The following ZZZ3 variants were observed in gnomAD, a reference collection of about 807,000 sequenced individuals.
ZZZ3 encodes ZZ-type zinc finger-containing protein 3.
In ZZZ3, 22 loss-of-function variants were observed where a neutral mutation model predicts 95.2. That is an observed-to-expected ratio of 0.23 (90% CI 0.17 to 0.33). The LOEUF (loss-of-function observed/expected upper bound fraction) is 0.33. ZZZ3 is among the 10% of genes least tolerant of loss of function. The probability of loss-of-function intolerance (pLI) is 1.00; values close to 1 mark genes in which losing one functional copy is unlikely to be tolerated. For missense variants in ZZZ3, 885 were observed against 1,066.5 expected, an observed-to-expected ratio of 0.83 and a Z score of 2.37; for synonymous variants, 335 against 358.9, an observed-to-expected ratio of 0.93 and a Z score of 0.75.
chr1:77,620,226 T>C (rs1666714148), intron 5 of ZZZ3, among the ~76,000 whole-genome samples: 1 of 151,960 alleles, frequency 6.6e-6, no homozygotes, highest in Non-Finnish European at 1.5e-5. Flanking sequence ...GAGAACATAA[T>C]TAAGGAACTA....
chr1:77,618,114 A>G (rs1666491385), intron 5 of ZZZ3, among the ~76,000 whole-genome samples: 1 of 152,062 alleles, frequency 6.6e-6, no homozygotes, highest in Admixed American at 6.6e-5. Flanking sequence ...CCAAGAGTAC[A>G]ATTTTACCCA....
intron 5 of ZZZ3, among the ~76,000 whole-genome samples, chr1:77,591,221 T>C (rs1663660255): frequency 6.6e-6 from 1 of 152,208 alleles, no homozygotes; most frequent in Non-Finnish European, 1.5e-5. Context: ...TATAATAAGA[T>C]GCTTTCTCTT....
intron 1 of ZZZ3, among the ~76,000 whole-genome samples, chr1:77,661,275 G>A (rs895545433): frequency 4.0e-4 from 61 of 152,088 alleles, no homozygotes; most frequent in Middle Eastern, 3.4e-3. Flanking sequence ...TAGCCAGGCA[G>A]AGTGTCGGGT....
chr1:77,578,898 C>A lies in ZZZ3; in HGVS notation c.2083-29G>T. 1 of 1,420,868 alleles carries A rather than the reference C, an allele frequency of 7.0e-7. No individual in the cohort carries two copies. The highest frequency in any genetic ancestry group is 9.4e-7 in the Non-Finnish European group (1 of 1,059,136). 88.0% of individuals were successfully genotyped at this position (1,420,868 alleles called of 1,614,324 possible). The stretch of plus-strand genomic sequence containing the variant: ...AGGAAACATGACAAGTCTCTTAACA[C>A]AATGAGATGACATACAATACCTGAG... On this transcript the variant is annotated intron_variant, in intron 10 of 14. Transcript: ENST00000370801.
intron 1 of ZZZ3, among the ~76,000 whole-genome samples, chr1:77,669,456 T>C: frequency 6.9e-6 from 1 of 144,350 alleles, no homozygotes; most frequent in East Asian, 2.0e-4. Flanking sequence ...CTTTCTCAGT[T>C]TTTTTTTTTT....
intron 5 of ZZZ3, among the ~76,000 whole-genome samples, chr1:77,620,094 T>G (rs1374153804): frequency 6.6e-6 from 1 of 152,118 alleles, no homozygotes; most frequent in African/African-American, 2.4e-5. Context: ...GGCCTAAAGA[T>G]AAGATTTCTC....
At chr1:77,670,053 T>C (rs947680729) in intron 1 of ZZZ3, among the ~76,000 whole-genome samples, 5 of 146,558 alleles carry the variant, frequency 3.4e-5, no homozygotes, top group Non-Finnish European at 7.4e-5. Context: ...AAAAACCTAT[T>C]AATATAATAA....
chr1:77,672,207 G>A (rs1671850539), intron 1 of ZZZ3, among the ~76,000 whole-genome samples: 1 of 152,198 alleles, frequency 6.6e-6, no homozygotes, highest in African/African-American at 2.4e-5. Context: ...CGAGTGCAGT[G>A]TGAAATTTGA....
At chr1:77,657,068 C>T (rs1670333937) in intron 1 of ZZZ3, among the ~76,000 whole-genome samples, 1 of 152,172 alleles carries the variant, frequency 6.6e-6, no homozygotes, top group South Asian at 2.1e-4. Context: ...GAAACCTCCG[C>T]CTCCCGGGTT....
At chr1:77,668,811 A>G (rs186757829) in intron 1 of ZZZ3, among the ~76,000 whole-genome samples, 7 of 152,276 alleles carry the variant, frequency 4.6e-5, no homozygotes, top group Admixed American at 3.9e-4. Context: ...GGTTAATTCT[A>G]TATCTAAGTG....
intron 1 of ZZZ3, among the ~76,000 whole-genome samples, chr1:77,656,420 A>G (rs560259712): frequency 2.6e-5 from 4 of 152,196 alleles, no homozygotes; most frequent in African/African-American, 7.2e-5. Context: ...AGAATTCTCA[A>G]TGGTTTCTGT....
rs148879968 is a variant in ZZZ3, at chr1:77,572,589, C to T, written c.2331+3479G>A. Among the ~76,000 whole-genome samples the T allele has an allele frequency of 1.6e-3, 244 of 152,150 alleles. 1 individual carries two copies. The highest frequency in any genetic ancestry group is 5.7e-3 in the African/African-American group (235 of 41,506). ...ACCTGACCTCATGATTCATCTGCCTCGGCCTCCCAAAATGCTGGGATTACA... is the reference window on the plus strand; with the variant it reads ...ACCTGACCTCATGATTCATCTGCCTTGGCCTCCCAAAATGCTGGGATTACA... On this transcript the variant is annotated intron_variant, in intron 12 of 14. Transcript: ENST00000370801.
At chr1:77,664,512 A>G (rs1242903173) in intron 1 of ZZZ3, among the ~76,000 whole-genome samples, 1 of 152,206 alleles carries the variant, frequency 6.6e-6, no homozygotes, top group Non-Finnish European at 1.5e-5. Context: ...TTCTCTTAGT[A>G]CATACAGTGC....
chr1:77,627,164 G>C (rs1667409800), intron 5 of ZZZ3, among the ~76,000 whole-genome samples: 5 of 152,216 alleles, frequency 3.3e-5, no homozygotes, highest in Middle Eastern at 3.4e-3. Flanking sequence ...GTAATTAAAA[G>C]ATAGAAGTTT....
intron 5 of ZZZ3, among the ~76,000 whole-genome samples, chr1:77,612,936 A>C (rs1665954599): frequency 6.6e-6 from 1 of 152,074 alleles, no homozygotes; most frequent in South Asian, 2.1e-4. Flanking sequence ...AGCAGATTTC[A>C]GTTGCTCTTG....
intron 5 of ZZZ3, among the ~76,000 whole-genome samples, chr1:77,630,143 C>T (rs935214670): frequency 5.3e-5 from 8 of 152,170 alleles, no homozygotes; most frequent in African/African-American, 1.9e-4. Flanking sequence ...GACATACGCT[C>T]TCCTTCCCTG....
At chr1:77,573,286 AT>A (rs34142930) in intron 12 of ZZZ3, among the ~76,000 whole-genome samples, 99,162 of 146,884 alleles carry the variant, frequency 0.68, 34,066 homozygotes, top group Non-Finnish European at 0.76. Context: ...TGCCCAGCTA[AT>A]TTTTTTTTTT....
chr1:77,675,251 T>G (rs573734584), intron 1 of ZZZ3, among the ~76,000 whole-genome samples: 1 of 152,340 alleles, frequency 6.6e-6, no homozygotes, highest in Non-Finnish European at 1.5e-5. Context: ...TTATTTCATT[T>G]TATTTATGAA....
intron 1 of ZZZ3, among the ~76,000 whole-genome samples, chr1:77,648,549 T>C (rs1390159902): frequency 6.6e-6 from 1 of 152,148 alleles, no homozygotes; most frequent in Non-Finnish European, 1.5e-5. Flanking sequence ...GTCTTTTTAA[T>C]GTGAATTGAT....
Sources: allele counts gnomAD v4.1 joint callset (sites outside exome capture counted in the v4.1 genomes callset), GRCh38; gene constraint gnomAD v4.1.1; transcripts MANE v1.5; gene names NCBI Gene and HGNC (gene_info 2026-07-23, HGNC 2026-07-21).